WDR25: variants seen among roughly 807,000 people sequenced by gnomAD.
The protein encoded by WDR25 is WD repeat-containing protein 25.
A neutral mutation model predicts 47.7 loss-of-function variants in WDR25; 35 were observed. The ratio of observed to expected loss-of-function variants is 0.73; its 90% confidence interval spans 0.56 to 0.97. WDR25 has a LOEUF of 0.97. Among genes scored for constraint, WDR25 ranks in the 50% least tolerant of loss-of-function variants. The probability of loss-of-function intolerance (pLI) is 0.00; values close to 1 mark genes in which losing one functional copy is unlikely to be tolerated. For missense variants in WDR25, 634 were observed against 704.7 expected, an observed-to-expected ratio of 0.90 and a Z score of 1.14; for synonymous variants, 248 against 278.9, an observed-to-expected ratio of 0.89 and a Z score of 1.10.
intron 2 of WDR25, among the ~76,000 whole-genome samples, chr14:100,434,052 G>T (rs952646156): frequency 6.7e-6 from 1 of 150,014 alleles, no homozygotes; most frequent in Non-Finnish European, 1.5e-5. Context: ...ATAGTGAAAA[G>T]CCGTTTCTAC....
At chr14:100,388,333 G>A (rs151256070) in intron 2 of WDR25, among the ~76,000 whole-genome samples, 250 of 152,338 alleles carry the variant, frequency 1.6e-3, no homozygotes, top group African/African-American at 5.7e-3. Flanking sequence ...GCGCATGTGC[G>A]TGCATGCATA....
chr14:100,490,103 G>T (rs1259908777), intron 4 of WDR25, among the ~76,000 whole-genome samples: 1 of 152,182 alleles, frequency 6.6e-6, no homozygotes, highest in Non-Finnish European at 1.5e-5. Context: ...TAACATGCAG[G>T]TGACAGGGGA....
chr14:100,468,697 G>A lies in WDR25; in HGVS notation c.970+529G>A, dbSNP rs1899726422. On this transcript the variant is annotated intron_variant, in intron 3 of 6. Transcript: ENST00000402312. This position sits in a 1 kb window ranked among gnomAD's most constrained non-coding sequence, Gnocchi z 4.5. ...TGACAAGCAGGGCGAGAAGGAGAGAGAAGTCAGTGGAAGGAACTTTCCTTA... is the reference window on the plus strand; with the variant it reads ...TGACAAGCAGGGCGAGAAGGAGAGAAAAGTCAGTGGAAGGAACTTTCCTTA... Among the ~76,000 whole-genome samples the A allele has an allele frequency of 6.6e-6, 1 of 152,092 alleles. No homozygotes were observed. The highest frequency in any genetic ancestry group is 2.1e-4 in the South Asian group (1 of 4,826).
At chr14:100,509,445 C>A (rs114695820) in intron 4 of WDR25, among the ~76,000 whole-genome samples, 2,189 of 152,232 alleles carry the variant, frequency 0.014, 58 homozygotes, top group African/African-American at 0.049. Flanking sequence ...ATCACTACCC[C>A]CCAGGCTGCA....
At chr14:100,422,783 G>T (rs1898064214) in intron 2 of WDR25, among the ~76,000 whole-genome samples, 2 of 152,288 alleles carry the variant, frequency 1.3e-5, no homozygotes, top group Non-Finnish European at 1.5e-5. Flanking sequence ...GGATCTTATT[G>T]TTTTAATTTG....
chr14:100,443,188 C>T (rs957509098), intron 2 of WDR25, among the ~76,000 whole-genome samples: 7 of 152,246 alleles, frequency 4.6e-5, no homozygotes, highest in Non-Finnish European at 1.0e-4. Context: ...CCTGTCTTTC[C>T]TCACCACTGC....
intron 3 of WDR25, among the ~76,000 whole-genome samples, chr14:100,475,883 C>A (rs911955205): frequency 2.1e-5 from 3 of 146,314 alleles, no homozygotes; most frequent in African/African-American, 8.1e-5. Context: ...ATTGTACCCC[C>A]AAATATATAT....
In WDR25 at chr14:100,502,113, C is replaced by G. The variant is rs1179352512; in HGVS notation, c.1101+17989C>G. Among the ~76,000 whole-genome samples, 1 of 152,206 alleles carries G rather than the reference C, an allele frequency of 6.6e-6. No homozygotes were observed. The highest frequency in any genetic ancestry group is 2.4e-5 in the African/African-American group (1 of 41,464). ...GGGGCTCACACCTAGGAAGGCTGTC[C>G]TTGGAGGATATGTTCTGCTTCTGTT... On this transcript the variant is annotated intron_variant, in intron 4 of 6. Transcript: ENST00000402312. The surrounding 1 kb of genome is among the most constrained non-coding windows in gnomAD (Gnocchi z 4.5).
At chr14:100,413,651 G>A (rs1312553733) in intron 2 of WDR25, among the ~76,000 whole-genome samples, 3 of 152,100 alleles carry the variant, frequency 2.0e-5, no homozygotes, top group African/African-American at 7.2e-5. Context: ...CTGACCTCGT[G>A]ATCCACCCAC....
chr14:100,521,273 AT>A (rs2029874905), intron 4 of WDR25, among the ~76,000 whole-genome samples: 1 of 152,080 alleles, frequency 6.6e-6, no homozygotes, highest in Non-Finnish European at 1.5e-5. Flanking sequence ...AACCTAAAAT[AT>A]TTACTGACTG....
At chr14:100,501,096 G>T (rs1417584201) in intron 4 of WDR25, among the ~76,000 whole-genome samples, 1 of 152,144 alleles carries the variant, frequency 6.6e-6, no homozygotes, top group Admixed American at 6.5e-5. Context: ...GGTCCGGCTT[G>T]AATGTCAGGC....
chr14:100,502,367 G>A lies in WDR25; in HGVS notation c.1101+18243G>A, dbSNP rs1207219285. Among the ~76,000 whole-genome samples the A allele has an allele frequency of 1.3e-5, 2 of 152,212 alleles. No individual in the cohort carries two copies. Among genetic ancestry groups the A allele is most frequent in the African/African-American group, 4.8e-5 (2 of 41,446 alleles). On this transcript the variant is annotated intron_variant, in intron 4 of 6. Coordinates refer to ENST00000402312, the MANE Select transcript of WDR25 (RefSeq NM_001161476.3). This position sits in a 1 kb window ranked among gnomAD's most constrained non-coding sequence, Gnocchi z 4.5. ...TCCCTGGTCCTCAGTTTCCCCATCT[G>A]CCAGGAATAGGCTGAACTCCATGAC...
intron 4 of WDR25, among the ~76,000 whole-genome samples, chr14:100,517,700 C>T (rs1046438307): frequency 1.3e-5 from 2 of 152,080 alleles, no homozygotes; most frequent in Non-Finnish European, 2.9e-5. Context: ...AAAAATTAGC[C>T]GGGCGTGGTG....
chr14:100,466,884 C>T (rs912390420), intron 2 of WDR25, among the ~76,000 whole-genome samples: 1 of 152,218 alleles, frequency 6.6e-6, no homozygotes, highest in South Asian at 2.1e-4. Flanking sequence ...TGACATATTC[C>T]AAACTCTCCG....
At chr14:100,513,617 C>T (rs1263655399) in intron 4 of WDR25, among the ~76,000 whole-genome samples, 1 of 152,056 alleles carries the variant, frequency 6.6e-6, no homozygotes, top group Non-Finnish European at 1.5e-5. Context: ...GAAGTTGTTA[C>T]CAGGTGCATA....
chr14:100,483,948 G>C (rs1404351823), intron 3 of WDR25, 46 bp from the exon 4 acceptor site: 7 of 1,564,996 alleles, frequency 4.5e-6, no homozygotes, highest in Admixed American at 2.0e-5. Flanking sequence ...TATTTGTTTT[G>C]TGACCTAAGT....
At chr14:100,393,601 T>C (rs1897190683) in intron 2 of WDR25, among the ~76,000 whole-genome samples, 1 of 152,192 alleles carries the variant, frequency 6.6e-6, no homozygotes, top group East Asian at 1.9e-4. Flanking sequence ...GTGGAAGGTG[T>C]GTCTGTGGGG....
chr14:100,417,563 G>A (rs1377747097), intron 2 of WDR25, among the ~76,000 whole-genome samples: 3 of 152,168 alleles, frequency 2.0e-5, no homozygotes, highest in Non-Finnish European at 2.9e-5. Flanking sequence ...AGGCTACTGC[G>A]AGTCACCTTC....
At chr14:100,433,834 AAG>A (rs1170943866) in intron 2 of WDR25, among the ~76,000 whole-genome samples, 2 of 152,296 alleles carry the variant, frequency 1.3e-5, no homozygotes, top group East Asian at 3.9e-4. Flanking sequence ...TTGGCACAGC[AAG>A]ATATTCTGGG....
Sources: allele counts gnomAD v4.1 joint callset (sites outside exome capture counted in the v4.1 genomes callset), GRCh38; gene constraint gnomAD v4.1.1; non-coding constraint Gnocchi (gnomAD v3.1); transcripts MANE v1.5; gene names NCBI Gene and HGNC (gene_info 2026-07-23, HGNC 2026-07-21).